Variants in SUMF1 observed in about 807,000 individuals in gnomAD.
SUMF1 encodes formylglycine-generating enzyme.
SUMF1 carries 48 observed loss-of-function variants against 47.6 expected under a neutral mutation model. The ratio of observed to expected loss-of-function variants is 1.01; its 90% CI spans 0.80 to 1.28. The LOEUF is 1.28. SUMF1 is among the 50% of genes most tolerant of loss of function. The pLI, the probability that SUMF1 is intolerant of heterozygous loss-of-function variation, is 0.00. For synonymous variants in SUMF1, 230 were observed against 192.1 expected (o/e 1.20, Z -1.63); for missense variants, 571 against 485.4 (o/e 1.18, Z -1.66).
At chr3:4,106,492 C>G (rs1693161277) in intron 8 of SUMF1, among the ~76,000 whole-genome samples, 1 of 152,112 alleles carries the variant, frequency 6.6e-6, no homozygotes, top group Admixed American at 6.5e-5. Flanking sequence ...ACTATAACTC[C>G]CTTTTCTTTT....
intron 8 of SUMF1, among the ~76,000 whole-genome samples, chr3:4,306,037 A>C (rs892011599): frequency 1.3e-5 from 2 of 151,876 alleles, no homozygotes; most frequent in Non-Finnish European, 2.9e-5. Flanking sequence ...AGCTAAATAT[A>C]TGCAAGGTGG....
intron 9 of SUMF1, among the ~76,000 whole-genome samples, chr3:4,064,722 G>C (rs1046852791): frequency 1.3e-5 from 2 of 152,078 alleles, no homozygotes; most frequent in African/African-American, 4.8e-5. Flanking sequence ...GTTACAGTGG[G>C]GAACTCAGGA....
rs113563031 is a variant in SUMF1 at position 4,148,665 on chromosome 3, A to T, written c.1015-79920T>A. ...TGTAGTTCAAAAGCAGCCACAGTATACAAACAAATGGTAATGGCTATGTTC... is the reference window on the plus strand; with the variant it reads ...TGTAGTTCAAAAGCAGCCACAGTATTCAAACAAATGGTAATGGCTATGTTC... On this transcript the variant is annotated intron_variant and NMD_transcript_variant, in intron 8 of 12. Transcript: ENST00000448413. Among the ~76,000 whole-genome samples, 42 of 152,304 alleles carry T rather than the reference A, an allele frequency of 2.8e-4. 3 individuals are homozygous for T. The highest frequency in any genetic ancestry group is 9.9e-4 in the African/African-American group (41 of 41,546).
intron 8 of SUMF1, among the ~76,000 whole-genome samples, chr3:4,315,231 TTGTATCCC>T (rs1375150913): frequency 6.6e-6 from 1 of 152,208 alleles, no homozygotes; most frequent in African/African-American, 2.4e-5. Flanking sequence ...ATAAGGCAGC[TTGTATCCC>T]TCACTCCAAA....
rs745344085 is a variant in SUMF1, at chr3:4,338,490, A to G, written c.1014+37840T>C. Among the ~76,000 whole-genome samples, 24 of 152,172 alleles carry G rather than the reference A, an allele frequency of 1.6e-4. 1 individual carries two copies. The highest frequency in any genetic ancestry group is 1.5e-5 in the Non-Finnish European group (1 of 68,034). On this transcript the variant is annotated intron_variant and NMD_transcript_variant, in intron 8 of 12. Transcript: ENST00000448413. Reference sequence around the variant, plus strand: ...ACCTTGACACCAAAACAATTCATTCATTCATTCACAAACGTTTGTCAAGAA... The same window carrying G: ...ACCTTGACACCAAAACAATTCATTCGTTCATTCACAAACGTTTGTCAAGAA...
chr3:4,466,830 ACTC>A, intron 1 of SUMF1, 143 bp downstream of exon 1: 1 of 1,255,300 alleles, frequency 8.0e-7, no homozygotes, highest in African/African-American at 1.5e-5. Context: ...CGGAGAAGGA[ACTC>A]CTCATACGGG....
intron 1 of SUMF1, among the ~76,000 whole-genome samples, chr3:4,456,805 T>C (rs1183447593): frequency 4.3e-4 from 62 of 145,136 alleles, no homozygotes; most frequent in African/African-American, 1.4e-3. Context: ...TATACGTGTA[T>C]ATATATACGT....
At chr3:4,349,661 G>A (rs1202515761) in intron 8 of SUMF1, among the ~76,000 whole-genome samples, 1 of 152,170 alleles carries the variant, frequency 6.6e-6, no homozygotes, top group Non-Finnish European at 1.5e-5. Context: ...GTCATAAAAA[G>A]GAATGAGATC....
At chr3:4,068,998 T>C (rs927141689) in intron 8 of SUMF1, among the ~76,000 whole-genome samples, 4 of 152,052 alleles carry the variant, frequency 2.6e-5, no homozygotes, top group Non-Finnish European at 4.4e-5. Context: ...ACAATAATAA[T>C]AACAATAATA....
chr3:4,118,548 TAAAAC>T (rs1306210135), intron 8 of SUMF1, among the ~76,000 whole-genome samples: 1 of 152,118 alleles, frequency 6.6e-6, no homozygotes, highest in East Asian at 1.9e-4. Flanking sequence ...ATTGCTTTAA[TAAAAC>T]AAAGTAGTTT....
At chr3:4,401,807 C>G (rs771651699) in intron 7 of SUMF1, among the ~76,000 whole-genome samples, 7 of 152,194 alleles carry the variant, frequency 4.6e-5, no homozygotes, top group Admixed American at 1.3e-4. Flanking sequence ...CCCAACCCAT[C>G]CTGCTGAACT....
At chr3:4,383,775 T>C (rs1385442513) in intron 7 of SUMF1, among the ~76,000 whole-genome samples, 1 of 152,230 alleles carries the variant, frequency 6.6e-6, no homozygotes, top group Non-Finnish European at 1.5e-5. Flanking sequence ...ATGAAGTGCA[T>C]GTTGCCTGCT....
chr3:4,132,389 A>G (rs939577862), intron 8 of SUMF1, among the ~76,000 whole-genome samples: 13 of 152,254 alleles, frequency 8.5e-5, no homozygotes, highest in African/African-American at 2.4e-4. Flanking sequence ...TTTTGAAGTC[A>G]CAATTACAAT....
At chr3:4,457,098 T>G (rs111736246) in intron 1 of SUMF1, among the ~76,000 whole-genome samples, 21,630 of 118,924 alleles carry the variant, frequency 0.18, 3,071 homozygotes, top group Non-Finnish European at 0.28. Context: ...ATATATATTT[T>G]TTTTGTTTTG....
rs1239088779 is a variant in SUMF1, at chr3:4,325,549, GTGTGTC to G, written c.1014+50775_1014+50780del. On this transcript the variant is annotated intron_variant and NMD_transcript_variant, in intron 8 of 12. Transcript: ENST00000448413. ...TATGTGTGTGTGTGTGTATATATGTGTGTGTCTGTGTGTGTATATATATATATATGT... is the reference window on the plus strand; with the variant it reads ...TATGTGTGTGTGTGTGTATATATGTGTGTGTGTGTATATATATATATATGT... Among the ~76,000 whole-genome samples, 14 of 145,500 alleles carry G rather than the reference GTGTGTC, an allele frequency of 9.6e-5. No individual in the cohort carries two copies. In the East Asian group the frequency reaches 2.8e-3, roughly 29 times the overall value.
intron 8 of SUMF1, among the ~76,000 whole-genome samples, chr3:4,200,483 G>T (rs1044571935): frequency 3.9e-5 from 6 of 152,080 alleles, no homozygotes; most frequent in Admixed American, 3.9e-4. Context: ...CAGAACTGCA[G>T]GTTTTCCAGC....
At chr3:4,408,810 A>G (rs1439685589) in intron 7 of SUMF1, among the ~76,000 whole-genome samples, 3 of 151,884 alleles carry the variant, frequency 2.0e-5, no homozygotes, top group Non-Finnish European at 2.9e-5. Context: ...GTTTCTACTA[A>G]AAATACAAAA....
chr3:4,373,100 A>G (rs1351197908), intron 8 of SUMF1, among the ~76,000 whole-genome samples: 2 of 152,324 alleles, frequency 1.3e-5, no homozygotes, highest in South Asian at 2.1e-4. Flanking sequence ...AAAATGCATA[A>G]TATAGACTTT....
rs911260348 is a variant in SUMF1 at position 4,080,875 on chromosome 3, A to T, written c.1015-12130T>A. Reference sequence around the variant, plus strand: ...TATAACACACATATTAAGAATCTGGACTCAGGAGCCACATTATCTGAATTC... The same window carrying T: ...TATAACACACATATTAAGAATCTGGTCTCAGGAGCCACATTATCTGAATTC... On this transcript the variant is annotated intron_variant and NMD_transcript_variant, in intron 8 of 12. Coordinates refer to the SUMF1 transcript ENST00000448413. Among the ~76,000 whole-genome samples the T allele has an allele frequency of 2.6e-5, 4 of 152,116 alleles. 1 individual carries two copies. The highest frequency in any genetic ancestry group is 9.7e-5 in the African/African-American group (4 of 41,398).
Sources: allele counts gnomAD v4.1 joint callset (sites outside exome capture counted in the v4.1 genomes callset), GRCh38; gene constraint gnomAD v4.1.1; transcripts MANE v1.5; gene names NCBI Gene and HGNC (gene_info 2026-07-23, HGNC 2026-07-21).